Variants in SLC38A6 observed in about 807,000 individuals in gnomAD.
SLC38A6 encodes solute carrier family 38 member 6.
Under a neutral mutation model 65.0 loss-of-function variants are expected in SLC38A6, and 73 were observed. That is an observed-to-expected ratio of 1.12 (90% confidence interval 0.93 to 1.37). The LOEUF is 1.37. Ranked by LOEUF, SLC38A6 falls within the 40% of genes most tolerant of loss-of-function variation. The probability of loss-of-function intolerance (pLI) is 0.00; values close to 1 mark genes in which losing one functional copy is unlikely to be tolerated. For missense variants in SLC38A6, 561 were observed against 531.1 expected, an observed-to-expected ratio of 1.06 and a Z score of -0.55; for synonymous variants, 183 against 178.8, an observed-to-expected ratio of 1.02 and a Z score of -0.19.
chr14:61,035,028 G>C (rs2041257412), intron 6 of SLC38A6, among the ~76,000 whole-genome samples: 1 of 152,138 alleles, frequency 6.6e-6, no homozygotes, highest in Non-Finnish European at 1.5e-5. Context: ...GGCAGTGGGA[G>C]ACTGGTATCT....
At chr14:61,068,559 A>T (rs1413147927) in intron 15 of SLC38A6, among the ~76,000 whole-genome samples, 1 of 152,024 alleles carries the variant, frequency 6.6e-6, no homozygotes, top group Non-Finnish European at 1.5e-5. Flanking sequence ...ATTTTCAAAG[A>T]CCTTTGCAAG....
Position 61,037,623 on chromosome 14 carries a change from A to G in SLC38A6, c.566-2A>G, listed in dbSNP as rs920381600. ...GCTTTTTATTTTACTGTTATTTTACAGGCTTTCTTGGCTACACAAGTAGTT... is the reference window on the plus strand; with the variant it reads ...GCTTTTTATTTTACTGTTATTTTACGGGCTTTCTTGGCTACACAAGTAGTT... On this transcript the variant is annotated splice_acceptor_variant, in intron 7 of 15. Transcript: ENST00000267488. LOFTEE classifies it high-confidence loss of function. The G allele has an allele frequency of 1.9e-6, 3 of 1,585,402 alleles. No homozygotes were observed. Among genetic ancestry groups the G allele is most frequent in the African/African-American group, 2.7e-5 (2 of 73,840 alleles).
At position 61,083,606 on chromosome 14, in the gene SLC38A6, A is replaced by G. The variant is rs138791782; in HGVS notation, c.1460A>G (p.Gln487Arg). ...CAGAGGAAAGGCCACGCAAGGACACAGCAAGAAGGCAACTGTTTACAAGCC... is the reference window on the plus strand; with the variant it reads ...CAGAGGAAAGGCCACGCAAGGACACGGCAAGAAGGCAACTGTTTACAAGCC... Residue 487 changes from glutamine (Q) to arginine (R), a missense_variant, in exon 17 of 17, where the codon CAG becomes CGG. Transcript: ENST00000354886. 42 of 1,550,596 alleles carry G rather than the reference A, an allele frequency of 2.7e-5. No individual in the cohort carries two copies. The African/African-American group carries it at 5.3e-4, about 20-fold the overall frequency.
rs1250558458 is a variant in SLC38A6 at position 60,981,273 on chromosome 14, G to A, written c.-5G>A. 2 of 1,597,702 alleles carry A rather than the reference G, an allele frequency of 1.3e-6. No individual in the cohort carries two copies. Among genetic ancestry groups the A allele is most frequent in the Admixed American group, 3.5e-5 (2 of 57,542 alleles). On this transcript the variant is annotated 5_prime_UTR_variant, in exon 1 of 16. Coordinates refer to ENST00000267488, the MANE Select transcript of SLC38A6 (RefSeq NM_153811.3). ...GATGGAACTGGTAGTCAGCTGGAGA[G>A]CAGCATGGAGGCGTCCTGGGGGAGC...
intron 3 of SLC38A6, among the ~76,000 whole-genome samples, chr14:61,003,783 T>C (rs1446247447): frequency 6.6e-6 from 1 of 152,144 alleles, no homozygotes; most frequent in Non-Finnish European, 1.5e-5. Flanking sequence ...CATATTCATG[T>C]TGTCTCAGGA....
rs200659279 is a variant in SLC38A6, at chr14:61,015,917, T to C, written c.324T>C (p.Tyr108=). Residue 108 remains tyrosine, a synonymous_variant, in exon 4 of 16, where the codon TAT becomes TAC. Transcript: ENST00000267488. ...SMCIQTAVTS[Y]EDLGLFAFGL... Reference sequence around the variant, plus strand: ...TTCTCTTAACAGCTGTAACATCTTATGAAGATCTTGGACTCTTTGCATTTG... The same window carrying C: ...TTCTCTTAACAGCTGTAACATCTTACGAAGATCTTGGACTCTTTGCATTTG... 21 of 1,608,382 alleles carry C rather than the reference T, an allele frequency of 1.3e-5. No homozygotes were observed. The Middle Eastern group carries it at 5.0e-4, about 38-fold the overall frequency.
Position 60,981,383 on chromosome 14 carries a change from G to GT in SLC38A6, c.105+2dup, listed in dbSNP as rs748154891. On this transcript the variant is annotated splice_donor_variant, in intron 1 of 15. Coordinates refer to ENST00000267488, the MANE Select transcript of SLC38A6 (RefSeq NM_153811.3). LOFTEE classifies it high-confidence loss of function. ...AGAGTTGAGTCCGTTGCTAAGCAAC[G>GT]TAAGTGGGCTGTGTTCGCTTCCCCG... 1.1e-5 allele frequency: 18 copies of GT among 1,593,034 alleles called. No homozygotes were observed. The highest frequency in any genetic ancestry group is 1.4e-5 in the Non-Finnish European group (16 of 1,169,806).
intron 3 of SLC38A6, among the ~76,000 whole-genome samples, chr14:60,997,291 A>G (rs563090913): frequency 6.6e-6 from 1 of 152,184 alleles, no homozygotes; most frequent in East Asian, 1.9e-4. Flanking sequence ...AGCTGGGACT[A>G]CAGGTGTGCA....
chr14:61,083,417 A>G (rs995552111), intron 16 of SLC38A6: 1 of 1,326,412 alleles, frequency 7.5e-7, no homozygotes, highest in Non-Finnish European at 1.0e-6. Context: ...TCCAACCCCA[A>G]ATTCGTAGGT....
At chr14:61,032,621 C>T (rs1035331959) in intron 6 of SLC38A6, among the ~76,000 whole-genome samples, 1 of 151,794 alleles carries the variant, frequency 6.6e-6, no homozygotes, top group Non-Finnish European at 1.5e-5. Context: ...ATCTTTTTAA[C>T]AACCTTATCT....
chr14:61,075,538 C>T (rs1484177459), intron 15 of SLC38A6, among the ~76,000 whole-genome samples: 1 of 152,066 alleles, frequency 6.6e-6, no homozygotes, highest in African/African-American at 2.4e-5. Context: ...ATCTCATTGG[C>T]AATATATTGT....
intron 3 of SLC38A6, among the ~76,000 whole-genome samples, chr14:61,008,375 A>C (rs1383411661): frequency 6.6e-6 from 1 of 152,158 alleles, no homozygotes; most frequent in Admixed American, 6.6e-5. Context: ...ACATACATGT[A>C]GGTCTTTGAT....
chr14:61,010,064 G>T lies in SLC38A6; in HGVS notation c.311-5840G>T, dbSNP rs577536026. ...ACCTGTTGTTTCCTAACTTTTTAATGATTGCCATTCTAACTGGTGTGAGAT... is the reference window on the plus strand; with the variant it reads ...ACCTGTTGTTTCCTAACTTTTTAATTATTGCCATTCTAACTGGTGTGAGAT... On this transcript the variant is annotated intron_variant, in intron 3 of 15. Coordinates refer to ENST00000267488, the MANE Select transcript of SLC38A6 (RefSeq NM_153811.3). Among the ~76,000 whole-genome samples, 106 of 152,252 alleles carry T rather than the reference G, an allele frequency of 7.0e-4. 1 individual carries two copies. In the East Asian group the frequency reaches 0.018, roughly 26 times the overall value.
chr14:61,053,470 T>C (rs182326787), downstream of SLC38A6, among the ~76,000 whole-genome samples: 85 of 152,320 alleles, frequency 5.6e-4, no homozygotes, highest in East Asian at 5.0e-3. Flanking sequence ...ACCATAGTGC[T>C]TCCACGATTG....
intron 3 of SLC38A6, among the ~76,000 whole-genome samples, chr14:60,997,935 G>A (rs943791269): frequency 2.0e-5 from 3 of 152,052 alleles, no homozygotes; most frequent in African/African-American, 7.3e-5. Flanking sequence ...TAGAACTGAA[G>A]CACAGGCTAG....
At chr14:61,024,625 G>T (rs914094659) in intron 5 of SLC38A6, among the ~76,000 whole-genome samples, 3 of 152,230 alleles carry the variant, frequency 2.0e-5, no homozygotes, top group African/African-American at 7.2e-5. Context: ...TCCTGTAACA[G>T]TGTTGTATTA....
At chr14:61,030,886 A>G (rs1279229038) in intron 6 of SLC38A6, 2 of 160,552 alleles carry the variant, frequency 1.2e-5, no homozygotes, top group Admixed American at 6.4e-5. Flanking sequence ...GGTTGAATAT[A>G]CTGACAGTAC....
intron 3 of SLC38A6, among the ~76,000 whole-genome samples, chr14:61,002,622 TA>T (rs1343381125): frequency 1.3e-5 from 2 of 152,190 alleles, no homozygotes; most frequent in Non-Finnish European, 2.9e-5. Context: ...AGCAGGTTTC[TA>T]AACGATTCCT....
chr14:61,025,064 C>G (rs2040534851), intron 5 of SLC38A6, among the ~76,000 whole-genome samples: 1 of 152,146 alleles, frequency 6.6e-6, no homozygotes, highest in South Asian at 2.1e-4. Context: ...CCTGAAATTG[C>G]TAGAATGACC....
Sources: gnomAD v4.1 joint callset for allele counts (sites outside exome capture counted in the v4.1 genomes callset) on GRCh38, gnomAD v4.1.1 for gene constraint, MANE v1.5 for transcripts, NCBI Gene and HGNC (gene_info 2026-07-23, HGNC 2026-07-21) for gene names.